Variants in RAD54L2 observed in about 807,000 individuals in gnomAD.
The protein encoded by RAD54L2 is RAD54 like 2.
RAD54L2 carries 27 observed loss-of-function variants against 138.4 expected under a neutral mutation model. That is an observed-to-expected ratio of 0.20 (90% CI 0.14 to 0.27). RAD54L2 has a LOEUF of 0.27. Among genes scored for constraint, RAD54L2 ranks in the 10% least tolerant of loss-of-function variants. The pLI, the probability that RAD54L2 is intolerant of heterozygous loss-of-function variation, is 1.00. For missense variants in RAD54L2, 1,396 were observed against 1,890.2 expected, an observed-to-expected ratio of 0.74 and a Z score of 4.85; for synonymous variants, 644 against 723.2, an observed-to-expected ratio of 0.89 and a Z score of 1.76.
In RAD54L2 at chr3:51,665,420, A is replaced by G. The variant is rs1701892122; in HGVS notation, c.*2000A>G. 2 of 152,070 alleles carry G rather than the reference A, an allele frequency of 1.3e-5. No individual in the cohort carries two copies. The highest frequency in any genetic ancestry group is 4.1e-4 in the South Asian group (2 of 4,824). 9.4% of individuals were successfully genotyped at this position (152,070 alleles called of 1,614,324 possible). ...TTGTCCTCAGAGAAGAGACAAGGAG[A>G]TGATGGATGGGGTGCATGTGTATAT... On this transcript the variant is annotated 3_prime_UTR_variant, in exon 23 of 23. Coordinates refer to ENST00000684192, the MANE Select transcript of RAD54L2 (RefSeq NM_015106.4).
At chr3:51,573,100 A>G (rs180950636) in intron 2 of RAD54L2, among the ~76,000 whole-genome samples, 1 of 152,202 alleles carries the variant, frequency 6.6e-6, no homozygotes. Context: ...CTAGATGGAT[A>G]CATAAGTCGC....
chr3:51,592,803 G>T (rs1463026431), intron 3 of RAD54L2, among the ~76,000 whole-genome samples: 1 of 151,908 alleles, frequency 6.6e-6, no homozygotes, highest in East Asian at 1.9e-4. Context: ...TTGAACTCCT[G>T]ACCTCAGGTG....
chr3:51,582,747 G>C (rs1412824506), intron 2 of RAD54L2, among the ~76,000 whole-genome samples: 1 of 151,986 alleles, frequency 6.6e-6, no homozygotes, highest in Non-Finnish European at 1.5e-5. Context: ...CCTACTTGAA[G>C]GGTCTAAGCC....
intron 3 of RAD54L2, among the ~76,000 whole-genome samples, chr3:51,597,165 CAAAAAAAAAAA>C (rs145812228): frequency 2.6e-4 from 13 of 49,270 alleles, no homozygotes; most frequent in African/African-American, 3.0e-4. Context: ...GACTTCATTT[CAAAAAAAAAAA>C]AAAAAAAAAA....
At chr3:51,657,551 T>C in intron 20 of RAD54L2, 29 bp from the exon 21 acceptor site, 1 of 1,449,048 alleles carries the variant, frequency 6.9e-7, no homozygotes, top group Non-Finnish European at 9.5e-7. Context: ...CCCCGTGCAA[T>C]CTAAATTTAA....
At chr3:51,605,727 C>T (rs923933034) in intron 3 of RAD54L2, among the ~76,000 whole-genome samples, 4 of 152,178 alleles carry the variant, frequency 2.6e-5, no homozygotes, top group Non-Finnish European at 5.9e-5. Flanking sequence ...TCTGGGATTA[C>T]AGGCATGGGT....
chr3:51,652,102 T>A (rs1172808737), intron 19 of RAD54L2, among the ~76,000 whole-genome samples: 1 of 152,270 alleles, frequency 6.6e-6, no homozygotes, highest in Non-Finnish European at 1.5e-5. Flanking sequence ...CAGGGTACAA[T>A]ATCAGTGTGC....
intron 2 of RAD54L2, among the ~76,000 whole-genome samples, chr3:51,586,480 A>G (rs1312197372): frequency 2.0e-5 from 3 of 150,574 alleles, no homozygotes; most frequent in African/African-American, 4.9e-5. Context: ...TTTCTTCTCT[A>G]GAATGACAGG....
intron 19 of RAD54L2, among the ~76,000 whole-genome samples, chr3:51,647,623 C>T (rs1006833805): frequency 6.6e-6 from 1 of 152,014 alleles, no homozygotes; most frequent in Non-Finnish European, 1.5e-5. Flanking sequence ...GAGCCGAGAT[C>T]GCGCCATTGC....
Position 51,638,596 on chromosome 3 carries a change from G to A in RAD54L2, c.1860+275G>A. On this transcript the variant is annotated intron_variant, in intron 12 of 22. Coordinates refer to ENST00000684192, the MANE Select transcript of RAD54L2 (RefSeq NM_015106.4). This position sits in a 1 kb window ranked among gnomAD's most constrained non-coding sequence, Gnocchi z 4.3. ...ACTTGTTATTCCAAGGGGATTAATG[G>A]AAAAATACTGTGGGGCAGCGTTTTT... 2.8e-6 allele frequency: 1 copy of A among 352,326 alleles called. No homozygotes were observed. The highest frequency in any genetic ancestry group is 4.5e-5 in the East Asian group (1 of 22,260). The allele number at this position is 352,326 out of a possible 1,614,324, so 21.8% of individuals were successfully genotyped here.
At chr3:51,605,643 G>A (rs981184795) in intron 3 of RAD54L2, among the ~76,000 whole-genome samples, 1 of 151,678 alleles carries the variant, frequency 6.6e-6, no homozygotes, top group Non-Finnish European at 1.5e-5. Context: ...GTAGAGACAG[G>A]GTTTCACCAT....
chr3:51,558,867 G>A (rs1699033435), intron 2 of RAD54L2, among the ~76,000 whole-genome samples: 1 of 152,050 alleles, frequency 6.6e-6, no homozygotes, highest in South Asian at 2.1e-4. Flanking sequence ...AATAGTAGCA[G>A]CATCAACAAA....
intron 2 of RAD54L2, among the ~76,000 whole-genome samples, chr3:51,577,495 T>C (rs1699505662): frequency 6.6e-6 from 1 of 152,180 alleles, no homozygotes; most frequent in Non-Finnish European, 1.5e-5. Context: ...TCTTTTTAGG[T>C]CTCTAAGGAC....
intron 20 of RAD54L2, among the ~76,000 whole-genome samples, chr3:51,656,926 G>A (rs989130013): frequency 6.6e-6 from 1 of 151,922 alleles, no homozygotes; most frequent in Non-Finnish European, 1.5e-5. Flanking sequence ...TAATAGAGAT[G>A]GGGTTTCACC....
At chr3:51,595,543 C>G (rs1476222644) in intron 3 of RAD54L2, among the ~76,000 whole-genome samples, 1 of 152,134 alleles carries the variant, frequency 6.6e-6, no homozygotes, top group African/African-American at 2.4e-5. Flanking sequence ...ATTGTTTCCT[C>G]CTTGATACTG....
rs143648435 is a variant in RAD54L2 at position 51,666,701 on chromosome 3, A to G, written c.*3281A>G. The G allele has an allele frequency of 7.2e-4, 109 of 152,318 alleles. No individual in the cohort carries two copies. Among genetic ancestry groups the G allele is most frequent in the African/African-American group, 2.5e-3 (105 of 41,576 alleles). The allele number at this position is 152,318 out of a possible 1,614,324, so 9.4% of individuals were successfully genotyped here. On this transcript the variant is annotated 3_prime_UTR_variant, in exon 23 of 23. Coordinates refer to ENST00000684192, the MANE Select transcript of RAD54L2 (RefSeq NM_015106.4). ...GGTCATATCATTTTCTTTAGATTGG[A>G]TATCTATGAAGTCCACACCCCTTTG... is the stretch of plus-strand genomic sequence containing the variant.
chr3:51,569,063 C>T (rs1255422215), intron 2 of RAD54L2, among the ~76,000 whole-genome samples: 3 of 152,124 alleles, frequency 2.0e-5, no homozygotes, highest in African/African-American at 7.2e-5. Context: ...AGGATTATAA[C>T]ATTTTCCACA....
At chr3:51,615,974 TTTC>T (rs1399509606) in intron 3 of RAD54L2, among the ~76,000 whole-genome samples, 2 of 152,174 alleles carry the variant, frequency 1.3e-5, no homozygotes, top group African/African-American at 4.8e-5. Flanking sequence ...CTTTCTCTAA[TTTC>T]TTCTTTTTCA....
chr3:51,558,145 C>T (rs929465135), intron 2 of RAD54L2, among the ~76,000 whole-genome samples: 4 of 152,130 alleles, frequency 2.6e-5, no homozygotes, highest in South Asian at 4.2e-4. Context: ...CGCCCCTGGC[C>T]GATTTGTTTA....
Sources: gnomAD v4.1 joint callset for allele counts (sites outside exome capture counted in the v4.1 genomes callset) on GRCh38, gnomAD v4.1.1 for gene constraint, Gnocchi (gnomAD v3.1) non-coding constraint, MANE v1.5 for transcripts, NCBI Gene and HGNC (gene_info 2026-07-23, HGNC 2026-07-21) for gene names.